The following CHN2 variants were observed in gnomAD, a reference collection of about 807,000 sequenced individuals.
CHN2 encodes chimerin 2, also known as beta-chimaerin.
CHN2 carries 35 observed loss-of-function variants against 56.3 expected under a neutral mutation model. The ratio of observed to expected loss-of-function variants is 0.62; its 90% CI spans 0.47 to 0.82. CHN2 has a LOEUF of 0.82. Ranked by LOEUF, CHN2 falls within the 40% of genes least tolerant of loss-of-function variation. The probability of loss-of-function intolerance (pLI) is 0.00; values close to 1 mark genes in which losing one functional copy is unlikely to be tolerated. For synonymous variants in CHN2, 210 were observed against 212.8 expected (o/e 0.99, Z 0.12); for missense variants, 491 against 580.5 (o/e 0.85, Z 1.58).
chr7:29,146,970 C>CA, intron 2 of CHN2: 1 of 1,550,878 alleles, frequency 6.4e-7, no homozygotes, highest in Non-Finnish European at 8.7e-7. Context: ...AGTAAGCTCG[C>CA]ACCAAGTGCC....
intron 6 of CHN2, among the ~76,000 whole-genome samples, chr7:29,441,117 G>C (rs1287306551): frequency 6.6e-6 from 1 of 152,106 alleles, no homozygotes; most frequent in East Asian, 1.9e-4. Context: ...CAAAGCCTCA[G>C]TTAAAGAGAA....
intron 8 of CHN2, among the ~76,000 whole-genome samples, chr7:29,499,031 A>T (rs908668822): frequency 6.6e-6 from 1 of 152,094 alleles, no homozygotes; most frequent in Non-Finnish European, 1.5e-5. Context: ...AAGTGCTGGG[A>T]TTACAGGCGT....
intron 2 of CHN2, among the ~76,000 whole-genome samples, chr7:29,171,117 G>A (rs1796549914): frequency 1.3e-5 from 2 of 152,150 alleles, no homozygotes; most frequent in African/African-American, 4.8e-5. Context: ...GGAAGGTGCT[G>A]GACATAATGA....
At chr7:29,469,146 T>C (rs1250126145) in intron 6 of CHN2, among the ~76,000 whole-genome samples, 1 of 152,214 alleles carries the variant, frequency 6.6e-6, no homozygotes, top group African/African-American at 2.4e-5. Flanking sequence ...CTTTCTTTCA[T>C]GTGCACTTCA....
intron 12 of CHN2, among the ~76,000 whole-genome samples, chr7:29,511,094 G>A (rs7782556): frequency 0.91 from 137,809 of 152,200 alleles, 62,613 homozygotes; most frequent in Non-Finnish European, 0.96. Flanking sequence ...AAAATGAACC[G>A]AAAATTGTCT....
chr7:29,344,142 C>T (rs1358606384), intron 1 of CHN2, among the ~76,000 whole-genome samples: 1 of 152,136 alleles, frequency 6.6e-6, no homozygotes, highest in African/African-American at 2.4e-5. Flanking sequence ...CCTTCAAGTC[C>T]ATCCCATTTT....
intron 4 of CHN2, among the ~76,000 whole-genome samples, chr7:29,394,800 G>T (rs541852835): frequency 7.2e-5 from 11 of 152,292 alleles, no homozygotes; most frequent in African/African-American, 2.6e-4. Context: ...TTTTGCATGT[G>T]AATTCTAAAA....
At chr7:29,422,069 A>G (rs910678873) in intron 6 of CHN2, among the ~76,000 whole-genome samples, 2 of 152,184 alleles carry the variant, frequency 1.3e-5, no homozygotes, top group Non-Finnish European at 2.9e-5. Context: ...CCTTTGAAAT[A>G]TCTGTACTCT....
Position 29,512,614 on chromosome 7 carries a change from T to C in CHN2, c.1286T>C (p.Ile429Thr), listed in dbSNP as rs1180871819. The C allele has an allele frequency of 1.9e-6, 3 of 1,613,574 alleles. No individual in the cohort carries two copies. ...DNFMNAENLGIVFGPTLMRPP... is the reference protein window; with the variant it reads ...DNFMNAENLGTVFGPTLMRPP... ...TTCATGAATGCAGAAAATCTGGGGA[T>C]CGTGTTTGGGCCCACTCTGATGAGG... The change falls in exon 13 of 13, where the codon ATC becomes ACC. Residue 429 changes from isoleucine (I) to threonine (T), a missense_variant. Ile to Thr is a moderately conservative substitution (Grantham distance 89). Coordinates refer to ENST00000222792, the MANE Select transcript of CHN2 (RefSeq NM_004067.4).
intron 7 of CHN2, among the ~76,000 whole-genome samples, chr7:29,486,366 T>G (rs936405516): frequency 1.3e-5 from 2 of 152,222 alleles, no homozygotes; most frequent in South Asian, 4.1e-4. Context: ...TGTATGCACC[T>G]GTGTTCATTG....
intron 1 of CHN2, among the ~76,000 whole-genome samples, chr7:29,340,017 G>A (rs1023991850): frequency 1.3e-5 from 2 of 152,108 alleles, no homozygotes; most frequent in Admixed American, 6.5e-5. Context: ...GTGTCCAGTG[G>A]CAGCATTGGA....
intron 2 of CHN2, among the ~76,000 whole-genome samples, chr7:29,361,391 C>T (rs758739423): frequency 2.6e-5 from 4 of 152,104 alleles, no homozygotes; most frequent in Admixed American, 2.0e-4. Flanking sequence ...ATCTTTATAG[C>T]CAGCCAGGTA....
chr7:29,245,941 T>C (rs1485346173), intron 1 of CHN2, among the ~76,000 whole-genome samples: 1 of 152,236 alleles, frequency 6.6e-6, no homozygotes, highest in Non-Finnish European at 1.5e-5. Context: ...GGAGGGGCTC[T>C]GTGCACATAG....
intron 1 of CHN2, among the ~76,000 whole-genome samples, chr7:29,293,151 T>C (rs1389197686): frequency 1.3e-5 from 2 of 152,168 alleles, no homozygotes; most frequent in African/African-American, 4.8e-5. Flanking sequence ...ATGCTCTGCC[T>C]TCCCTGCTGT....
chr7:29,261,951 T>G (rs545945862), intron 1 of CHN2, among the ~76,000 whole-genome samples: 16 of 152,220 alleles, frequency 1.1e-4, no homozygotes, highest in Non-Finnish European at 1.6e-4. Flanking sequence ...GCAGATCACT[T>G]GAGGTCAGGA....
chr7:29,445,422 A>AT (rs897598432), intron 6 of CHN2, among the ~76,000 whole-genome samples: 3 of 152,138 alleles, frequency 2.0e-5, no homozygotes, highest in Non-Finnish European at 2.9e-5. Context: ...GTACATGTAG[A>AT]TTTTTTATTA....
Position 29,273,350 on chromosome 7 carries a change from T to C in CHN2, c.49+78360T>C, listed in dbSNP as rs1300581848. ...GCATATATATATATATGTGTATATA[T>C]ATATATATATATATATATATATATA... On this transcript the variant is annotated intron_variant, in intron 1 of 12. Transcript: ENST00000222792. Among the ~76,000 whole-genome samples, 133 of 55,526 alleles carry C rather than the reference T, an allele frequency of 2.4e-3. 3 individuals carry two copies. The highest frequency in any genetic ancestry group is 0.011 in the African/African-American group (120 of 11,094). The allele number at this position is 55,526 out of a possible 152,430, so 36.4% of individuals were successfully genotyped here. A position where few individuals can be genotyped will look rare whatever the true frequency, so the allele number is the denominator to read the frequency against.
intron 2 of CHN2, among the ~76,000 whole-genome samples, chr7:29,362,324 TAGTG>T (rs1798800885): frequency 6.6e-6 from 1 of 152,142 alleles, no homozygotes; most frequent in South Asian, 2.1e-4. Context: ...GCTACCTTAT[TAGTG>T]AGGGGAATAA....
intron 1 of CHN2, among the ~76,000 whole-genome samples, chr7:29,219,129 A>G (rs934233408): frequency 5.3e-5 from 8 of 152,222 alleles, no homozygotes; most frequent in African/African-American, 1.9e-4. Context: ...GGCCACATTC[A>G]GACCTGAAAA....
Sources: gnomAD v4.1 joint callset for allele counts (sites outside exome capture counted in the v4.1 genomes callset) on GRCh38, gnomAD v4.1.1 for gene constraint, MANE v1.5 for transcripts, NCBI Gene and HGNC (gene_info 2026-07-23, HGNC 2026-07-21) for gene names.